HMGCLL1: variants seen among roughly 807,000 people sequenced by gnomAD.
HMGCLL1 encodes the protein 3-hydroxy-3-methylglutaryl-CoA lyase like 1, also known as 3-hydroxymethyl-3-methylglutaryl-CoA lyase, cytoplasmic.
A neutral mutation model predicts 39.1 loss-of-function variants in HMGCLL1; 36 were observed. The observed-to-expected ratio is 0.92, with a 90% confidence interval of 0.71 to 1.22. The LOEUF (loss-of-function observed/expected upper bound fraction) is 1.22, where lower values mean the gene tolerates loss of function less well. HMGCLL1 is among the 50% of genes most tolerant of loss of function. HMGCLL1 has a pLI of 0.00. For synonymous variants in HMGCLL1, 149 were observed against 144.0 expected (o/e 1.03, Z -0.25); for missense variants, 451 against 416.5 (o/e 1.08, Z -0.72).
At chr6:55,649,625 C>G in the HMGCLL1 span, among the ~76,000 whole-genome samples, 1 of 152,074 alleles carries the variant, frequency 6.6e-6, no homozygotes, top group African/African-American at 2.4e-5. Context: ...ATACCTTTCT[C>G]AAGGCCTGGA....
chr6:55,484,875 T>C (rs1416138342), intron 7 of HMGCLL1, among the ~76,000 whole-genome samples: 1 of 151,968 alleles, frequency 6.6e-6, no homozygotes, highest in Non-Finnish European at 1.5e-5. Flanking sequence ...ATGATCCCTT[T>C]TGAAATGCAA....
chr6:55,596,985 T>C, the HMGCLL1 span, among the ~76,000 whole-genome samples: 1 of 152,148 alleles, frequency 6.6e-6, no homozygotes, highest in African/African-American at 2.4e-5. Flanking sequence ...ATGAAAAATA[T>C]ATTAAAATAA....
At chr6:55,557,931 C>T (rs1163428881) in intron 1 of HMGCLL1, among the ~76,000 whole-genome samples, 1 of 152,064 alleles carries the variant, frequency 6.6e-6, no homozygotes, top group Non-Finnish European at 1.5e-5. Context: ...AAGTGAGAAA[C>T]AGGATACTTA....
At chr6:55,464,288 T>G (rs1244036096) in intron 7 of HMGCLL1, among the ~76,000 whole-genome samples, 1 of 152,166 alleles carries the variant, frequency 6.6e-6, no homozygotes, top group Non-Finnish European at 1.5e-5. Flanking sequence ...GACTCCTAGT[T>G]GCAAGTAGAA....
chr6:55,543,584 T>TTA (rs140822698), intron 1 of HMGCLL1, among the ~76,000 whole-genome samples: 5 of 89,694 alleles, frequency 5.6e-5, no homozygotes, highest in Non-Finnish European at 1.2e-4. Context: ...ATTTATATAT[T>TTA]TATATATATA....
chr6:55,656,076 T>G, the HMGCLL1 span, among the ~76,000 whole-genome samples: 1 of 152,048 alleles, frequency 6.6e-6, no homozygotes, highest in Non-Finnish European at 1.5e-5. Flanking sequence ...ACTGAACTCA[T>G]GATTTAGAAA....
chr6:55,596,275 T>A, the HMGCLL1 span, among the ~76,000 whole-genome samples: 1 of 152,092 alleles, frequency 6.6e-6, no homozygotes, highest in African/African-American at 2.4e-5. Context: ...TACAGAAAGC[T>A]GACATCACAC....
At chr6:55,563,841 G>A in intron 1 of HMGCLL1, 1 of 1,277,068 alleles carries the variant, frequency 7.8e-7, no homozygotes, top group South Asian at 1.2e-5. Context: ...AGGGAGAGGT[G>A]CCCTCAAATA....
At chr6:55,678,635 AAAAC>A in the HMGCLL1 span, among the ~76,000 whole-genome samples, 8 of 152,192 alleles carry the variant, frequency 5.3e-5, no homozygotes, top group East Asian at 5.8e-4. Context: ...GTTAAAAACA[AAAAC>A]AAACAAACAA....
At chr6:55,609,658 T>C in the HMGCLL1 span, among the ~76,000 whole-genome samples, 1 of 152,164 alleles carries the variant, frequency 6.6e-6, no homozygotes, top group African/African-American at 2.4e-5. Flanking sequence ...GCAGCACAAC[T>C]CGTCCACCAA....
chr6:55,447,564 G>A (rs1017469986), intron 7 of HMGCLL1, among the ~76,000 whole-genome samples: 3 of 151,892 alleles, frequency 2.0e-5, no homozygotes, highest in African/African-American at 7.2e-5. Flanking sequence ...ATAGAAATGG[G>A]AGTGTGTACA....
the HMGCLL1 span, among the ~76,000 whole-genome samples, chr6:55,665,938 A>G: frequency 1.3e-5 from 2 of 151,778 alleles, no homozygotes; most frequent in Non-Finnish European, 1.5e-5. Flanking sequence ...ATAAATTATT[A>G]GTTATACAAC....
upstream of HMGCLL1, among the ~76,000 whole-genome samples, chr6:55,583,035 C>T (rs149949425): frequency 1.6e-4 from 25 of 152,074 alleles, no homozygotes; most frequent in African/African-American, 5.5e-4. Flanking sequence ...AACAGCATGA[C>T]GGTGGAAATC....
chr6:55,491,054 A>G (rs1454137234), intron 7 of HMGCLL1, among the ~76,000 whole-genome samples: 1 of 152,176 alleles, frequency 6.6e-6, no homozygotes, highest in Non-Finnish European at 1.5e-5. Context: ...TTATCAAGGC[A>G]TCATTCTAGA....
At chr6:55,465,882 AT>A (rs564843675) in intron 7 of HMGCLL1, among the ~76,000 whole-genome samples, 12 of 151,608 alleles carry the variant, frequency 7.9e-5, no homozygotes, top group African/African-American at 1.9e-4. Context: ...TTCCATGAGG[AT>A]TTTTTTTCTT....
At chr6:55,529,819 T>A (rs1300197265) in intron 3 of HMGCLL1, among the ~76,000 whole-genome samples, 1 of 152,150 alleles carries the variant, frequency 6.6e-6, no homozygotes, top group Non-Finnish European at 1.5e-5. Context: ...CTACTTATTA[T>A]TCAACATTTG....
intron 7 of HMGCLL1, among the ~76,000 whole-genome samples, chr6:55,484,302 A>G (rs1349989542): frequency 2.6e-5 from 4 of 151,670 alleles, no homozygotes; most frequent in Non-Finnish European, 5.9e-5. Flanking sequence ...CTCTTACTTC[A>G]TAAATCACTA....
At chr6:55,504,752 T>C (rs544408297) in intron 5 of HMGCLL1, among the ~76,000 whole-genome samples, 129 of 151,824 alleles carry the variant, frequency 8.5e-4, no homozygotes, top group Non-Finnish European at 1.5e-3. Flanking sequence ...GCCTACTGTA[T>C]TCAATTGCTA....
the HMGCLL1 span, among the ~76,000 whole-genome samples, chr6:55,590,409 A>T: frequency 1.3e-5 from 2 of 152,168 alleles, no homozygotes; most frequent in Non-Finnish European, 2.9e-5. Context: ...TTCAAGATGG[A>T]TTAAAGATTT....
Sources: allele counts gnomAD v4.1 joint callset (sites outside exome capture counted in the v4.1 genomes callset), GRCh38; gene constraint gnomAD v4.1.1; transcripts MANE v1.5; gene names NCBI Gene and HGNC (gene_info 2026-07-23, HGNC 2026-07-21).